Variants in ARID1B observed in about 807,000 individuals in gnomAD.
The protein encoded by ARID1B is AT-rich interaction domain 1B, also known as AT-rich interactive domain-containing protein 1B.
A neutral mutation model predicts 212.3 loss-of-function variants in ARID1B; 30 were observed. The ratio of observed to expected loss-of-function variants is 0.14; its 90% CI spans 0.11 to 0.19. ARID1B has a LOEUF of 0.19. ARID1B is among the 10% of genes least tolerant of loss of function. The pLI is 1.00. For missense variants in ARID1B, 2,891 were observed against 3,204.0 expected (o/e 0.90, Z 2.36); for synonymous variants, 1,402 against 1,301.7 (o/e 1.08, Z -1.66).
chr6:157,134,658 C>T (rs1788794888), intron 7 of ARID1B, among the ~76,000 whole-genome samples: 1 of 152,192 alleles, frequency 6.6e-6, no homozygotes, highest in South Asian at 2.1e-4. Flanking sequence ...CAGTTTGTTG[C>T]AGAGCAGAGG....
chr6:157,039,554 T>G (rs2128515834), intron 4 of ARID1B, among the ~76,000 whole-genome samples: 1 of 152,214 alleles, frequency 6.6e-6, no homozygotes, highest in Admixed American at 6.5e-5. Context: ...ATGGGACATT[T>G]CTTTTTACTG....
chr6:157,093,963 G>A (rs536978373), intron 5 of ARID1B, among the ~76,000 whole-genome samples: 32 of 152,282 alleles, frequency 2.1e-4, no homozygotes, highest in Non-Finnish European at 2.6e-4. Flanking sequence ...TCCTGTCCTC[G>A]TGAAACTTAA....
intron 4 of ARID1B, chr6:157,036,608 G>A (rs1461779213): frequency 1.5e-5 from 5 of 323,860 alleles, no homozygotes; most frequent in African/African-American, 1.1e-4. Flanking sequence ...GGATTCATTT[G>A]ATAGGAGCTC....
rs1389687982 is a variant in ARID1B at position 157,121,629 on chromosome 6, C to CTTTTTTT, written c.2581+11080_2581+11086dup. Among the ~76,000 whole-genome samples the CTTTTTTT allele has an allele frequency of 1.7e-4, 19 of 112,922 alleles. 1 individual carries two copies. Among genetic ancestry groups the CTTTTTTT allele is most frequent in the Admixed American group, 3.0e-4 (3 of 9,858 alleles). 74.1% of individuals were successfully genotyped at this position (112,922 alleles called of 152,430 possible). On this transcript the variant is annotated intron_variant, in intron 6 of 19. Coordinates refer to ENST00000636930, the MANE Select transcript of ARID1B (RefSeq NM_001374828.1). Reference sequence around the variant, plus strand: ...TTACAAATAAGAGAATCATATATAGCTTTTTTTTTTTTTTTTTTGCTGAGA... The same window carrying CTTTTTTT: ...TTACAAATAAGAGAATCATATATAGCTTTTTTTTTTTTTTTTTTTTTTTTTGCTGAGA...
chr6:156,782,472 C>G (rs1038029394), intron 1 of ARID1B, among the ~76,000 whole-genome samples: 1 of 152,074 alleles, frequency 6.6e-6, no homozygotes, highest in Non-Finnish European at 1.5e-5. Context: ...GAGGTCTACT[C>G]ACGCACATAG....
chr6:156,834,436 A>G (rs951833024), intron 2 of ARID1B, among the ~76,000 whole-genome samples: 7 of 152,208 alleles, frequency 4.6e-5, no homozygotes, highest in African/African-American at 1.7e-4. Flanking sequence ...ATGCCCATTC[A>G]TATCTGTGTG....
chr6:157,157,477 T>C (rs1330575145), intron 8 of ARID1B, among the ~76,000 whole-genome samples: 1 of 152,082 alleles, frequency 6.6e-6, no homozygotes, highest in East Asian at 1.9e-4. Flanking sequence ...GGTGGTGAAT[T>C]TTTCACCGCC....
intron 4 of ARID1B, among the ~76,000 whole-genome samples, chr6:157,037,447 A>T (rs1437184715): frequency 6.6e-6 from 1 of 152,118 alleles, no homozygotes; most frequent in East Asian, 1.9e-4. Flanking sequence ...GAGAATGGGA[A>T]GGCTTTCTAG....
At chr6:156,885,152 T>C (rs1418399912) in intron 2 of ARID1B, among the ~76,000 whole-genome samples, 1 of 152,062 alleles carries the variant, frequency 6.6e-6, no homozygotes, top group Non-Finnish European at 1.5e-5. Flanking sequence ...ATTTCAGAAC[T>C]AAAATATTTT....
intron 5 of ARID1B, among the ~76,000 whole-genome samples, chr6:157,105,267 T>C (rs1786374154): frequency 6.6e-6 from 1 of 152,054 alleles, no homozygotes; most frequent in Non-Finnish European, 1.5e-5. Context: ...GAGAATAGCT[T>C]CCTAACTGTG....
At position 157,095,794 on chromosome 6, in the gene ARID1B, A is replaced by AAGTTCATT. The variant is rs1181509698; in HGVS notation, c.2491+10890_2491+10897dup. 2.6e-5 allele frequency among the ~76,000 whole-genome samples: 4 copies of AAGTTCATT among 152,176 alleles called. No individual in the cohort carries two copies. The East Asian group carries it at 7.7e-4, about 29-fold the overall frequency. ...TCCTCATTTCCACAATTGTTACCTG[A>AAGTTCATT]AGTTCATTTCACATGAAATCCAAGA... On this transcript the variant is annotated intron_variant, in intron 5 of 19. Coordinates refer to ENST00000636930, the MANE Select transcript of ARID1B (RefSeq NM_001374828.1).
chr6:157,119,013 A>G (rs1372368116), intron 6 of ARID1B, among the ~76,000 whole-genome samples: 1 of 152,148 alleles, frequency 6.6e-6, no homozygotes, highest in African/African-American at 2.4e-5. Flanking sequence ...TTATAACAAC[A>G]CTTTTTCCTG....
chr6:157,207,931 GGGTCACATATAACT>G lies in ARID1B; in HGVS notation c.*43_*56del. On this transcript the variant is annotated 3_prime_UTR_variant, in exon 20 of 20. Coordinates refer to ENST00000636930, the MANE Select transcript of ARID1B (RefSeq NM_001374828.1). This position sits in a 1 kb window ranked among gnomAD's most constrained non-coding sequence, Gnocchi z 8.5. ...CAAGCATGTGTGAGTGAAGATTAGA[GGGTCACATATAACT>G]GGCTGTTTTCTGTTCTTGTTTATCC... 1 of 1,450,166 alleles carries G rather than the reference GGGTCACATATAACT, an allele frequency of 6.9e-7. No homozygotes were observed. The highest frequency in any genetic ancestry group is 9.1e-7 in the Non-Finnish European group (1 of 1,098,660). The allele number at this position is 1,450,166 out of a possible 1,614,324, so 89.8% of individuals were successfully genotyped here.
Position 157,081,024 on chromosome 6 carries a change from T to C in ARID1B, c.2248-3638T>C, listed in dbSNP as rs180995776. Among the ~76,000 whole-genome samples the C allele has an allele frequency of 2.4e-3, 372 of 152,302 alleles. 3 individuals are homozygous for C. The highest frequency in any genetic ancestry group is 8.6e-3 in the African/African-American group (356 of 41,566). ...TCACATGATGATAGCAAAATAGTGA[T>C]TTTACTATGCTTGAGAGCCCATGAA... On this transcript the variant is annotated intron_variant, in intron 4 of 19. Coordinates refer to ENST00000636930, the MANE Select transcript of ARID1B (RefSeq NM_001374828.1).
chr6:156,791,067 C>CTTTT (rs1235188851), intron 1 of ARID1B, among the ~76,000 whole-genome samples: 1 of 152,122 alleles, frequency 6.6e-6, no homozygotes, highest in East Asian at 1.9e-4. Context: ...AAAGAATATG[C>CTTTT]TTTTTTAGTC....
At chr6:157,123,755 A>G (rs1787939926) in intron 6 of ARID1B, among the ~76,000 whole-genome samples, 1 of 152,278 alleles carries the variant, frequency 6.6e-6, no homozygotes, top group Non-Finnish European at 1.5e-5. Context: ...AGTAGCTATC[A>G]TTTATTAAAC....
intron 9 of ARID1B, chr6:157,168,308 G>A (rs754033227): frequency 9.9e-5 from 15 of 152,140 alleles, no homozygotes; most frequent in Non-Finnish European, 2.1e-4. Flanking sequence ...AGAAACTAGT[G>A]GTAAAAATGA....
chr6:157,084,368 G>T (rs997971807), intron 4 of ARID1B, among the ~76,000 whole-genome samples: 5 of 152,126 alleles, frequency 3.3e-5, no homozygotes, highest in African/African-American at 1.2e-4. Context: ...GTGGCATTTT[G>T]AACAGGTCTA....
intron 15 of ARID1B, 110 bp from the exon 16 acceptor site, chr6:157,196,055 T>A: frequency 1.4e-6 from 2 of 1,399,054 alleles, no homozygotes; most frequent in Non-Finnish European, 2.0e-6. Flanking sequence ...TGAGACTCCA[T>A]CTCAAAAAAA....
Sources: gnomAD v4.1 joint callset for allele counts (sites outside exome capture counted in the v4.1 genomes callset) on GRCh38, gnomAD v4.1.1 for gene constraint, Gnocchi (gnomAD v3.1) non-coding constraint, MANE v1.5 for transcripts, NCBI Gene and HGNC (gene_info 2026-07-23, HGNC 2026-07-21) for gene names.